PTPN13: variants seen among roughly 807,000 people sequenced by gnomAD.
PTPN13 encodes protein tyrosine phosphatase non-receptor type 13, also known as tyrosine-protein phosphatase non-receptor type 13.
A neutral mutation model predicts 284.0 loss-of-function variants in PTPN13; 191 were observed. That is an observed-to-expected ratio of 0.67 (90% CI 0.60 to 0.76). The LOEUF (loss-of-function observed/expected upper bound fraction) is 0.76. Among genes scored for constraint, PTPN13 ranks in the 30% least tolerant of loss-of-function variants. The probability of loss-of-function intolerance (pLI) is 0.00; values close to 1 mark genes in which losing one functional copy is unlikely to be tolerated. For missense variants in PTPN13, 2,797 were observed against 2,939.9 expected (o/e 0.95, Z 1.12); for synonymous variants, 986 against 1,022.3 (o/e 0.96, Z 0.68).
At chr4:86,690,594 C>G (rs1729919737) in intron 5 of PTPN13, among the ~76,000 whole-genome samples, 1 of 151,992 alleles carries the variant, frequency 6.6e-6, no homozygotes, top group Non-Finnish European at 1.5e-5. Context: ...AACTGATACC[C>G]AAACAACTAT....
intron 3 of PTPN13, among the ~76,000 whole-genome samples, chr4:86,678,062 A>G (rs1257273583): frequency 6.6e-6 from 1 of 152,202 alleles, no homozygotes; most frequent in Non-Finnish European, 1.5e-5. Context: ...TAAGTAACCT[A>G]GAGTTAAATA....
At chr4:86,692,365 G>A (rs1730117383) in intron 5 of PTPN13, among the ~76,000 whole-genome samples, 1 of 152,092 alleles carries the variant, frequency 6.6e-6, no homozygotes, top group Non-Finnish European at 1.5e-5. Context: ...CTTCTTATAG[G>A]TAGAAAACAT....
intron 1 of PTPN13, among the ~76,000 whole-genome samples, chr4:86,626,860 T>G (rs1721897667): frequency 6.6e-6 from 1 of 152,112 alleles, no homozygotes; most frequent in Non-Finnish European, 1.5e-5. Context: ...GTCAGCTGTA[T>G]ATCCAAAATA....
chr4:86,656,256 T>G (rs1435094758), intron 2 of PTPN13, among the ~76,000 whole-genome samples: 1 of 152,246 alleles, frequency 6.6e-6, no homozygotes, highest in Non-Finnish European at 1.5e-5. Context: ...AAAGTCATTC[T>G]CCATCCAGCT....
rs138359026 is a variant in PTPN13, at chr4:86,613,550, C to A, written c.-6+18761C>A. ...TAGAGAGGCTGAGGCAGGGGAATGG[C>A]ATGAACCCGGGAGGCGGCGCTTGCA... On this transcript the variant is annotated intron_variant, in intron 1 of 47. Transcript: ENST00000411767. 5.1e-3 allele frequency among the ~76,000 whole-genome samples: 761 copies of A among 150,596 alleles called. 4 individuals are homozygous for A. The highest frequency in any genetic ancestry group is 8.4e-3 in the Non-Finnish European group (567 of 67,888).
intron 3 of PTPN13, among the ~76,000 whole-genome samples, chr4:86,684,156 A>G (rs914721965): frequency 2.0e-5 from 3 of 152,152 alleles, no homozygotes; most frequent in Non-Finnish European, 2.9e-5. Flanking sequence ...TCATCTAACT[A>G]TACAACAAGG....
intron 6 of PTPN13, among the ~76,000 whole-genome samples, chr4:86,699,708 T>A (rs1730953913): frequency 6.6e-6 from 1 of 152,220 alleles, no homozygotes. Flanking sequence ...AGGCAGATGG[T>A]TAAGTTCATC....
intron 1 of PTPN13, among the ~76,000 whole-genome samples, chr4:86,604,344 A>G (rs1208789802): frequency 6.6e-6 from 1 of 152,076 alleles, no homozygotes; most frequent in Non-Finnish European, 1.5e-5. Context: ...TTCTGTTTAC[A>G]GGAATTGTTT....
intron 33 of PTPN13, among the ~76,000 whole-genome samples, chr4:86,774,794 C>T (rs890351960): frequency 4.0e-5 from 6 of 151,214 alleles, no homozygotes; most frequent in African/African-American, 9.7e-5. Flanking sequence ...ATACATGAAC[C>T]GTGTTGGTGT....
chr4:86,690,469 A>G (rs1729904353), intron 5 of PTPN13, among the ~76,000 whole-genome samples: 1 of 152,118 alleles, frequency 6.6e-6, no homozygotes, highest in Non-Finnish European at 1.5e-5. Flanking sequence ...CTAACCTTCA[A>G]GAAGAATAGG....
At chr4:86,596,461 G>C (rs1763811431) in intron 1 of PTPN13, among the ~76,000 whole-genome samples, 1 of 152,302 alleles carries the variant, frequency 6.6e-6, no homozygotes, top group African/African-American at 2.4e-5. Context: ...TTAATTCTAT[G>C]ATGGGGTCAC....
Position 86,693,627 on chromosome 4 carries a change from G to T in PTPN13, c.587G>T (p.Arg196Leu). The T allele has an allele frequency of 6.4e-7, 1 of 1,556,768 alleles. No homozygotes were observed. The highest frequency in any genetic ancestry group is 1.9e-5 in the Admixed American group (1 of 52,584). The change falls in exon 6 of 48, where the codon CGA (arginine) becomes CTA (leucine). Residue 196 changes from arginine (R) to leucine (L), a missense_variant. Transcript: ENST00000411767. ...TGTAACAGTGAACAAAAGCCTGATCGAAGCCAGGCTATTCGAGATCGATTG... is the reference window on the plus strand; with the variant it reads ...TGTAACAGTGAACAAAAGCCTGATCTAAGCCAGGCTATTCGAGATCGATTG... ...LSCNSEQKPD[R>L]SQAIRDRLRG...
intron 2 of PTPN13, among the ~76,000 whole-genome samples, chr4:86,666,223 A>G (rs1373795707): frequency 2.0e-5 from 3 of 152,208 alleles, no homozygotes; most frequent in Non-Finnish European, 4.4e-5. Context: ...GTCAGCTACT[A>G]TAAAAAGAAT....
intron 1 of PTPN13, among the ~76,000 whole-genome samples, chr4:86,614,376 G>T (rs1305468190): frequency 6.6e-6 from 1 of 152,060 alleles, no homozygotes; most frequent in Non-Finnish European, 1.5e-5. Context: ...CAACACTATT[G>T]TATGGTTGAT....
intron 42 of PTPN13, 111 bp downstream of exon 42, chr4:86,799,315 T>C (rs1423638102): frequency 1.3e-5 from 8 of 627,598 alleles, no homozygotes; most frequent in Non-Finnish European, 9.9e-6. Flanking sequence ...ATACATTATT[T>C]GCTTTTTTTT....
At chr4:86,605,276 A>G (rs1445375988) in intron 1 of PTPN13, among the ~76,000 whole-genome samples, 1 of 151,992 alleles carries the variant, frequency 6.6e-6, no homozygotes, top group Non-Finnish European at 1.5e-5. Flanking sequence ...AAAGTAGAAC[A>G]TTGTGATCAG....
In PTPN13 at chr4:86,814,708, T is replaced by C. The variant is rs931049126; in HGVS notation, c.*157T>C. The C allele has an allele frequency of 1.8e-5, 10 of 570,946 alleles. No homozygotes were observed. Among genetic ancestry groups the C allele is most frequent in the African/African-American group, 1.5e-4 (8 of 53,156 alleles). 35.4% of individuals were successfully genotyped at this position (570,946 alleles called of 1,614,324 possible). A position where few individuals can be genotyped will look rare whatever the true frequency, so the allele number is the denominator to read the frequency against. ...GTATTCTTCTTGAAAATAAAAAATA[T>C]TGAAATGCTGTATTTTTACAGCTAC... On this transcript the variant is annotated 3_prime_UTR_variant, in exon 48 of 48. Transcript: ENST00000411767.
At chr4:86,617,775 G>GT (rs904121296) in intron 1 of PTPN13, among the ~76,000 whole-genome samples, 2 of 151,572 alleles carry the variant, frequency 1.3e-5, no homozygotes, top group African/African-American at 4.8e-5. Context: ...TTTTGATGGG[G>GT]TTTTTTTTCT....
At chr4:86,609,037 A>G (rs1174611720) in intron 1 of PTPN13, among the ~76,000 whole-genome samples, 1 of 152,196 alleles carries the variant, frequency 6.6e-6, no homozygotes, top group East Asian at 1.9e-4. Flanking sequence ...ATTTTAGTTT[A>G]TCACATGGTT....
Sources: gnomAD v4.1 joint callset for allele counts (sites outside exome capture counted in the v4.1 genomes callset) on GRCh38, gnomAD v4.1.1 for gene constraint, MANE v1.5 for transcripts, NCBI Gene and HGNC (gene_info 2026-07-23, HGNC 2026-07-21) for gene names.